The following DNAH12 variants were observed in gnomAD, a reference collection of about 807,000 sequenced individuals.
DNAH12 encodes dynein axonemal heavy chain 12.
DNAH12 carries 285 observed loss-of-function variants against 371.5 expected under a neutral mutation model. The observed-to-expected ratio is 0.77, with a 90% CI of 0.70 to 0.85. The LOEUF (loss-of-function observed/expected upper bound fraction) is 0.85. Ranked by LOEUF, DNAH12 falls within the 40% of genes least tolerant of loss-of-function variation. The pLI is 0.00. For synonymous variants in DNAH12, 1,200 were observed against 1,213.0 expected (o/e 0.99, Z 0.22); for missense variants, 3,611 against 3,689.4 (o/e 0.98, Z 0.55).
At chr3:57,491,298 A>T (rs1575677655) in intron 11 of DNAH12, among the ~76,000 whole-genome samples, 1 of 152,190 alleles carries the variant, frequency 6.6e-6, no homozygotes, top group East Asian at 1.9e-4. Flanking sequence ...GAAAGCAAGA[A>T]ATGTCAGGGT....
chr3:57,296,191 T>G (rs1247356303), intron 72 of DNAH12, among the ~76,000 whole-genome samples, 153 bp downstream of exon 72: 4 of 152,212 alleles, frequency 2.6e-5, no homozygotes, highest in Admixed American at 2.6e-4. Context: ...TAACAACTCA[T>G]CAGTTGCCCC....
intron 13 of DNAH12, among the ~76,000 whole-genome samples, chr3:57,478,268 G>A (rs540025713): frequency 2.0e-5 from 3 of 152,260 alleles, no homozygotes; most frequent in East Asian, 3.9e-4. Context: ...CAAGAACTAC[G>A]TGACGAATCC....
intron 11 of DNAH12, 36 bp from the exon 12 acceptor site, chr3:57,489,723 T>C (rs1418114937): frequency 4.8e-6 from 7 of 1,458,624 alleles, no homozygotes; most frequent in Non-Finnish European, 6.3e-6. Context: ...AAAAAAATGT[T>C]TAGAACTTTC....
In DNAH12 at chr3:57,445,173, C is replaced by A; in HGVS notation, c.4425+1G>T. 6.5e-7 allele frequency: 1 copy of A among 1,535,560 alleles called. No homozygotes were observed. Among genetic ancestry groups the A allele is most frequent in the South Asian group, 1.2e-5 (1 of 81,762 alleles). ...TCCCAATGTGTATATTTAATACTTA[C>A]AAGTATATCTTCATTTTCATTTGGG... On this transcript the variant is annotated splice_donor_variant, in intron 28 of 73. Coordinates refer to ENST00000495027, the MANE Select transcript of DNAH12 (RefSeq NM_001366028.2). LOFTEE classifies it high-confidence loss of function.
chr3:57,361,861 C>T (rs927936441), intron 58 of DNAH12, among the ~76,000 whole-genome samples: 1 of 151,956 alleles, frequency 6.6e-6, no homozygotes, highest in Non-Finnish European at 1.5e-5. Flanking sequence ...TAATACCTTT[C>T]CAATATTTTT....
chr3:57,458,899 A>T (rs1319538848), intron 20 of DNAH12, among the ~76,000 whole-genome samples: 1 of 152,190 alleles, frequency 6.6e-6, no homozygotes, highest in Non-Finnish European at 1.5e-5. Context: ...ACAAGAAATC[A>T]TGTTTCACAA....
In DNAH12 at chr3:57,415,497, G is replaced by A. The variant is rs2064342615; in HGVS notation, c.5782C>T (p.His1928Tyr). The change falls in exon 38 of 74, where the codon CAC (histidine) becomes TAC (tyrosine). Residue 1928 changes from histidine to tyrosine, a missense_variant. By Grantham distance (83) the His-to-Tyr change is moderately conservative (BLOSUM62 2). Around this residue, in one of 3 missense-constraint regions of DNAH12, gnomAD observed 2,266 missense variants for 2,236.9 expected, o/e 1.01. Coordinates refer to ENST00000495027, the MANE Select transcript of DNAH12 (RefSeq NM_001366028.2). ...GGAAAGTACTGGTCCTTTTCCAAGT[G>A]ATTCATTAGCTTATCCTTCACATAC... ...SVYVKDKLMN[H>Y]LEKDQYFPFY... is the part of the protein sequence containing the mutation. 1.3e-6 allele frequency: 2 copies of A among 1,551,084 alleles called. No individual in the cohort carries two copies. Among genetic ancestry groups the A allele is most frequent in the African/African-American group, 1.4e-5 (1 of 73,016 alleles).
intron 4 of DNAH12, among the ~76,000 whole-genome samples, chr3:57,520,858 T>C (rs2068402640): frequency 6.6e-6 from 1 of 152,030 alleles, no homozygotes; most frequent in Non-Finnish European, 1.5e-5. Flanking sequence ...TCTCCCAGTG[T>C]GTAGCTTGTT....
At chr3:57,465,781 A>T (rs2066181282) in intron 17 of DNAH12, among the ~76,000 whole-genome samples, 1 of 152,180 alleles carries the variant, frequency 6.6e-6, no homozygotes, top group African/African-American at 2.4e-5. Context: ...ATTCAACAGA[A>T]AAATAGGCAT....
rs2064280538 is a variant in DNAH12, at chr3:57,413,830, T to C, written c.5936A>G (p.Asp1979Gly). ...CTCCAATGCAGGCATATTCATATCA[T>C]CTATAAAAATTATACACTTCTTTCC... ...PMGKKCIIFIDDMNMPALEKY... is the reference protein window; with the variant it reads ...PMGKKCIIFIGDMNMPALEKY... Residue 1979 changes from aspartate to glycine, a missense_variant, in exon 39 of 74, where the codon GAT becomes GGT. Physicochemically the swap from Asp to Gly is moderately conservative, Grantham distance 94. Transcript: ENST00000495027. 6.4e-7 allele frequency: 1 copy of C among 1,551,278 alleles called. No individual in the cohort carries two copies. Among genetic ancestry groups the C allele is most frequent in the Non-Finnish European group, 8.7e-7 (1 of 1,146,750 alleles).
chr3:57,361,460 A>ATATATATATATATC (rs2062933009), intron 58 of DNAH12, among the ~76,000 whole-genome samples: 1 of 144,304 alleles, frequency 6.9e-6, no homozygotes, highest in East Asian at 2.0e-4. Context: ...ATATATATAT[A>ATATATATATATATC]TATATATATA....
intron 13 of DNAH12, among the ~76,000 whole-genome samples, chr3:57,477,420 G>A (rs1553704761): frequency 6.6e-6 from 1 of 152,162 alleles, no homozygotes; most frequent in Non-Finnish European, 1.5e-5. Flanking sequence ...TAAACGAAGT[G>A]GCCGGGAAGC....
At position 57,468,830 on chromosome 3, in the gene DNAH12, C is replaced by T. The variant is rs775309505; in HGVS notation, c.2255G>A (p.Arg752Gln). 2.0e-5 allele frequency: 30 copies of T among 1,532,314 alleles called. No individual in the cohort carries two copies. Among genetic ancestry groups the T allele is most frequent in the Admixed American group, 4.5e-5 (2 of 44,208 alleles). The allele number at this position is 1,532,314 out of a possible 1,614,324, so 94.9% of individuals were successfully genotyped here. The change falls in exon 17 of 74, where the codon CGG becomes CAG. Residue 752 changes from arginine to glutamine, a missense_variant. By Grantham distance (43) the Arg-to-Gln change is conservative. Around this residue, in one of 3 missense-constraint regions of DNAH12, gnomAD observed 1,314 missense variants for 1,398.7 expected, o/e 0.94. Coordinates refer to ENST00000495027, the MANE Select transcript of DNAH12 (RefSeq NM_001366028.2). Reference protein sequence around the residue: ...LQEKRKAARKRSLEEEKIEEE... With the variant: ...LQEKRKAARKQSLEEEKIEEE... ...TTCAATTTTCTCTTCTTCCAAAGAC[C>T]GTTTTCTTGCTGCCTTTCTTTTTTC...
chr3:57,484,588 A>C (rs2066863462), intron 12 of DNAH12, among the ~76,000 whole-genome samples: 1 of 152,192 alleles, frequency 6.6e-6, no homozygotes, highest in African/African-American at 2.4e-5. Context: ...TAAAAATTCT[A>C]GAAAATAACA....
intron 42 of DNAH12, among the ~76,000 whole-genome samples, chr3:57,404,459 T>C (rs1249697509): frequency 1.3e-5 from 2 of 152,204 alleles, no homozygotes; most frequent in African/African-American, 2.4e-5. Flanking sequence ...CTCACATCTG[T>C]AATCCCAGCA....
intron 62 of DNAH12, among the ~76,000 whole-genome samples, chr3:57,331,775 C>T (rs539857471): frequency 2.0e-5 from 3 of 152,188 alleles, no homozygotes; most frequent in African/African-American, 7.2e-5. Context: ...CCTCTGAACC[C>T]CTTTTTCTAT....
At chr3:57,548,254 AT>A (rs2069594165), upstream of DNAH12, among the ~76,000 whole-genome samples, 1 of 152,214 alleles carries the variant, frequency 6.6e-6, no homozygotes, top group Admixed American at 6.5e-5. Flanking sequence ...GGTTTCCTGT[AT>A]AATTTACATA....
chr3:57,345,429 T>C (rs2062516128), intron 60 of DNAH12, among the ~76,000 whole-genome samples: 1 of 152,182 alleles, frequency 6.6e-6, no homozygotes, highest in Non-Finnish European at 1.5e-5. Context: ...GTATGGGTCT[T>C]ATGTTATTCC....
chr3:57,300,605 T>C (rs1336742810), intron 70 of DNAH12, among the ~76,000 whole-genome samples: 1 of 151,954 alleles, frequency 6.6e-6, no homozygotes, highest in Non-Finnish European at 1.5e-5. Flanking sequence ...TTAAAGAAAG[T>C]CGAATGGAAA....
Sources: allele counts gnomAD v4.1 joint callset (sites outside exome capture counted in the v4.1 genomes callset), GRCh38; gene constraint gnomAD v4.1.1; regional missense constraint gnomAD v4.1.1; transcripts MANE v1.5; gene names NCBI Gene and HGNC (gene_info 2026-07-23, HGNC 2026-07-21).